The following LIFR variants were observed in gnomAD, a reference collection of about 807,000 sequenced individuals.
LIFR encodes leukemia inhibitory factor receptor.
Under a neutral mutation model 122.2 loss-of-function variants are expected in LIFR, and 84 were observed. That is an observed-to-expected ratio of 0.69 (90% CI 0.58 to 0.82). The LOEUF (loss-of-function observed/expected upper bound fraction) is 0.82. LIFR is among the 40% of genes least tolerant of loss of function. The pLI, the probability that LIFR is intolerant of heterozygous loss-of-function variation, is 0.00. For missense variants in LIFR, 1,294 were observed against 1,311.6 expected (o/e 0.99, Z 0.21); for synonymous variants, 422 against 434.7 (o/e 0.97, Z 0.36).
At chr5:38,585,392 G>A (rs958798440) in intron 1 of LIFR, among the ~76,000 whole-genome samples, 1 of 152,190 alleles carries the variant, frequency 6.6e-6, no homozygotes, top group African/African-American at 2.4e-5. Flanking sequence ...TCAGGAACCT[G>A]GCCAGAACAA....
At chr5:38,601,638 C>A (rs116305209) in intron 2 of LIFR, among the ~76,000 whole-genome samples, 35 of 152,312 alleles carry the variant, frequency 2.3e-4, no homozygotes, top group Middle Eastern at 3.4e-3. Context: ...TCCACTGGGA[C>A]CTCCTGGCTC....
intron 1 of LIFR, among the ~76,000 whole-genome samples, chr5:38,549,840 G>GT (rs1470044959): frequency 1.3e-5 from 2 of 152,026 alleles, no homozygotes; most frequent in East Asian, 1.9e-4. Flanking sequence ...TTAGAGGAGG[G>GT]TTTTTTTAAA....
At chr5:38,559,722 A>G (rs1445466263), upstream of LIFR, among the ~76,000 whole-genome samples, 1 of 152,222 alleles carries the variant, frequency 6.6e-6, no homozygotes, top group African/African-American at 2.4e-5. Flanking sequence ...GTTTTGTCAC[A>G]AGCTAAAATT....
intron 16 of LIFR, 120 bp downstream of exon 16, chr5:38,488,958 A>G (rs866530936): frequency 2.6e-6 from 2 of 766,722 alleles, no homozygotes; most frequent in Non-Finnish European, 4.4e-6. Flanking sequence ...TCATTTCTCT[A>G]TCTTTCAGAT....
At chr5:38,487,219 C>G (rs1248769751) in intron 16 of LIFR, among the ~76,000 whole-genome samples, 1 of 152,212 alleles carries the variant, frequency 6.6e-6, no homozygotes, top group Non-Finnish European at 1.5e-5. Flanking sequence ...CATTAGGATG[C>G]ACTCTTCTAG....
At chr5:38,502,847 G>T in intron 10 of LIFR, 48 bp from the exon 11 acceptor site, 3 of 1,081,692 alleles carry the variant, frequency 2.8e-6, no homozygotes, top group African/African-American at 1.6e-5. Context: ...TTATGTGTAT[G>T]AATACATATA....
intron 5 of LIFR, among the ~76,000 whole-genome samples, chr5:38,522,418 A>G (rs1018433392): frequency 6.6e-6 from 1 of 152,090 alleles, no homozygotes; most frequent in African/African-American, 2.4e-5. Context: ...ACTATTCCCT[A>G]TCTTGGTTCT....
intron 12 of LIFR, among the ~76,000 whole-genome samples, chr5:38,497,999 T>C (rs1265593441): frequency 6.6e-6 from 1 of 152,244 alleles, no homozygotes; most frequent in Non-Finnish European, 1.5e-5. Context: ...ACTTACTGTA[T>C]AAAAACAAAT....
At chr5:38,518,214 T>C (rs1263134344) in intron 5 of LIFR, among the ~76,000 whole-genome samples, 1 of 151,974 alleles carries the variant, frequency 6.6e-6, no homozygotes, top group Non-Finnish European at 1.5e-5. Flanking sequence ...GAGGACATTT[T>C]AAATTAAAAT....
chr5:38,602,942 C>A lies in LIFR; in HGVS notation n.305+3263G>T, dbSNP rs373746602. ...AAAGACAAAATGGAGTATGACCTTCCAGGGGCACACCACTGGAGAAGGGAA... is the reference window on the plus strand; with the variant it reads ...AAAGACAAAATGGAGTATGACCTTCAAGGGGCACACCACTGGAGAAGGGAA... On this transcript the variant is annotated intron_variant and non_coding_transcript_variant, in intron 2 of 3. Transcript: ENST00000507786. Among the ~76,000 whole-genome samples, 37 of 152,146 alleles carry A rather than the reference C, an allele frequency of 2.4e-4. 1 individual carries two copies. Among genetic ancestry groups the A allele is most frequent in the African/African-American group, 7.2e-4 (30 of 41,430 alleles).
rs3729734 is a variant in LIFR, at chr5:38,527,206, G to A, written c.346C>T (p.His116Tyr). The A allele has an allele frequency of 0.044, 69,875 of 1,586,294 alleles. 1,789 individuals are homozygous for A. Among genetic ancestry groups the A allele is most frequent in the Middle Eastern group, 0.079 (474 of 5,990 alleles). ...GDYEITINSL[H>Y]DFGSSTSKFT... is the part of the protein sequence containing the mutation. The stretch of plus-strand genomic sequence containing the variant: ...TTACTTGTAGAACTTCCAAAATCAT[G>A]TAGAGAATTTATTGTTATTTCATAA... Residue 116 changes from histidine (H) to tyrosine (Y), a missense_variant, in exon 4 of 20, where the codon CAT (histidine) becomes TAT (tyrosine). By Grantham distance (83) the His-to-Tyr change is moderately conservative (BLOSUM62 2). Coordinates refer to ENST00000453190, the MANE Select transcript of LIFR (RefSeq NM_001127671.2).
At chr5:38,570,508 C>A (rs1443840838) in intron 1 of LIFR, among the ~76,000 whole-genome samples, 1 of 151,954 alleles carries the variant, frequency 6.6e-6, no homozygotes, top group Admixed American at 6.6e-5. Flanking sequence ...TTTCCTGAGG[C>A]TTTTTCGGTC....
At chr5:38,482,486 T>C (rs1744049203) in intron 19 of LIFR, 103 bp downstream of exon 19, 1 of 720,842 alleles carries the variant, frequency 1.4e-6, no homozygotes, top group Non-Finnish European at 2.4e-6. Context: ...ATTTTCCCAA[T>C]ACTTTTTAAT....
chr5:38,562,483 GTACATCCAGAA>G (rs1748873298), intron 1 of LIFR, among the ~76,000 whole-genome samples: 1 of 152,112 alleles, frequency 6.6e-6, no homozygotes, highest in Non-Finnish European at 1.5e-5. Context: ...ATAGCCCATC[GTACATCCAGAA>G]TACTGAGCTA....
At chr5:38,553,271 C>T (rs1748303360) in intron 1 of LIFR, among the ~76,000 whole-genome samples, 1 of 152,132 alleles carries the variant, frequency 6.6e-6, no homozygotes, top group Admixed American at 6.5e-5. Flanking sequence ...CCCCTCCACC[C>T]CAGAGAGGCT....
chr5:38,596,473 C>G (rs1464120154), upstream of LIFR, among the ~76,000 whole-genome samples: 1 of 152,160 alleles, frequency 6.6e-6, no homozygotes, highest in Non-Finnish European at 1.5e-5. Flanking sequence ...TCCAGAGTTT[C>G]CAATTCACTA....
At position 38,576,565 on chromosome 5, in the gene LIFR, C is replaced by T. The variant is rs916305141; in HGVS notation, c.-20+18696G>A. On this transcript the variant is annotated intron_variant, in intron 1 of 19. Transcript: ENST00000263409. ...TCCACTTGACTATAATGCGAGCCAG[C>T]GCTGGGACTCATAGAAACGTGACAC... Among the ~76,000 whole-genome samples the T allele has an allele frequency of 3.9e-5, 6 of 152,166 alleles. 1 individual carries two copies. Among genetic ancestry groups the T allele is most frequent in the Admixed American group, 2.0e-4 (3 of 15,280 alleles).
intron 7 of LIFR, among the ~76,000 whole-genome samples, chr5:38,508,330 G>C (rs1050487009): frequency 6.6e-6 from 1 of 151,934 alleles, no homozygotes; most frequent in Non-Finnish European, 1.5e-5. Flanking sequence ...CCTAGCACTA[G>C]GAAAAAATTT....
intron 1 of LIFR, among the ~76,000 whole-genome samples, chr5:38,571,170 C>T (rs953944895): frequency 3.9e-5 from 6 of 152,148 alleles, no homozygotes; most frequent in African/African-American, 1.2e-4. Flanking sequence ...TTAGCCACAA[C>T]GTCAGTGATC....
Sources: allele counts gnomAD v4.1 joint callset (sites outside exome capture counted in the v4.1 genomes callset), GRCh38; gene constraint gnomAD v4.1.1; transcripts MANE v1.5; gene names NCBI Gene and HGNC (gene_info 2026-07-23, HGNC 2026-07-21).